WWC2: variants seen among roughly 807,000 people sequenced by gnomAD.
WWC2 encodes the protein protein WWC2.
Under a neutral mutation model 138.5 loss-of-function variants are expected in WWC2, and 101 were observed. The ratio of observed to expected loss-of-function variants is 0.73; its 90% CI spans 0.62 to 0.86. The LOEUF is 0.86. WWC2 is among the 40% of genes least tolerant of loss of function. The probability of loss-of-function intolerance (pLI) is 0.00; values close to 1 mark genes in which losing one functional copy is unlikely to be tolerated. For missense variants in WWC2, 1,420 were observed against 1,419.4 expected (o/e 1.00, Z -0.01); for synonymous variants, 558 against 538.4 (o/e 1.04, Z -0.50).
intron 1 of WWC2, among the ~76,000 whole-genome samples, chr4:183,105,295 G>C (rs1175177192): frequency 2.6e-5 from 4 of 152,222 alleles, no homozygotes; most frequent in Non-Finnish European, 5.9e-5. Context: ...AATTTAACCA[G>C]AGGAAGCCCA....
intron 1 of WWC2, among the ~76,000 whole-genome samples, chr4:183,105,064 G>A (rs1743308035): frequency 1.3e-5 from 2 of 152,054 alleles, no homozygotes; most frequent in Admixed American, 6.6e-5. Context: ...ACGCCACCCT[G>A]TACCCGGCTA....
intron 16 of WWC2, among the ~76,000 whole-genome samples, chr4:183,279,615 T>C (rs1410500167): frequency 6.6e-6 from 1 of 152,100 alleles, no homozygotes; most frequent in Admixed American, 6.5e-5. Flanking sequence ...CTGGACTCTT[T>C]TTGGTTGGTA....
At chr4:183,102,167 A>T (rs1212280141) in intron 1 of WWC2, among the ~76,000 whole-genome samples, 1 of 152,082 alleles carries the variant, frequency 6.6e-6, no homozygotes, top group Admixed American at 6.6e-5. Flanking sequence ...ACTTTTATTG[A>T]CTAAGTTTAC....
chr4:183,138,778 A>G (rs920024543), intron 1 of WWC2, among the ~76,000 whole-genome samples: 7 of 151,988 alleles, frequency 4.6e-5, no homozygotes, highest in African/African-American at 7.2e-5. Context: ...GACAAAGGCA[A>G]GTTTTTTGTT....
At chr4:183,201,198 T>G (rs1378936082) in intron 2 of WWC2, among the ~76,000 whole-genome samples, 1 of 152,208 alleles carries the variant, frequency 6.6e-6, no homozygotes, top group Non-Finnish European at 1.5e-5. Context: ...GGTGGTGATG[T>G]CCTTGAAGAT....
rs975477749 is a variant in WWC2 at position 183,256,895 on chromosome 4, C to G, written c.1197-2744C>G. ...AGTGTGATCCTACAGCCCCCCCCCC[C>G]CCCCCCCCGGCTCTGTTCCTGCCCC... On this transcript the variant is annotated intron_variant, in intron 9 of 22. Coordinates refer to ENST00000403733, the MANE Select transcript of WWC2 (RefSeq NM_024949.6). Among the ~76,000 whole-genome samples, 12 of 105,036 alleles carry G rather than the reference C, an allele frequency of 1.1e-4. 2 individuals are homozygous for G. The highest frequency in any genetic ancestry group is 3.7e-4 in the African/African-American group (9 of 24,022). The allele number at this position is 105,036 out of a possible 152,430, so 68.9% of individuals were successfully genotyped here. A position where few individuals can be genotyped will look rare whatever the true frequency, so the allele number is the denominator to read the frequency against.
intron 1 of WWC2, among the ~76,000 whole-genome samples, chr4:183,139,017 G>C (rs1009904021): frequency 2.6e-5 from 4 of 152,182 alleles, no homozygotes; most frequent in Non-Finnish European, 5.9e-5. Flanking sequence ...GAAGATGTGG[G>C]AATTGGAAGA....
Position 183,112,275 on chromosome 4 carries a change from G to A in WWC2, c.131+12653G>A, listed in dbSNP as rs556850087. On this transcript the variant is annotated intron_variant, in intron 1 of 22. Transcript: ENST00000403733. ...TGAGAGATTTCCTAGTGTCTCATGTGTAAGGAGCTTGTGTGTGTCTGCATC... is the reference window on the plus strand; with the variant it reads ...TGAGAGATTTCCTAGTGTCTCATGTATAAGGAGCTTGTGTGTGTCTGCATC... Among the ~76,000 whole-genome samples the A allele has an allele frequency of 3.3e-5, 5 of 152,332 alleles. No individual in the cohort carries two copies. The South Asian group carries it at 6.2e-4, about 19-fold the overall frequency.
chr4:183,276,300 A>G lies in WWC2; in HGVS notation c.2563-4476A>G, dbSNP rs371812094. Among the ~76,000 whole-genome samples, 686 of 151,998 alleles carry G rather than the reference A, an allele frequency of 4.5e-3. 4 individuals are homozygous for G. Among genetic ancestry groups the G allele is most frequent in the African/African-American group, 0.016 (657 of 41,504 alleles). On this transcript the variant is annotated intron_variant, in intron 16 of 22. Transcript: ENST00000403733. ...CTTCATCTTTTAATTGAAATATTTA[A>G]CTCATTTACTTTTAATGCTATTATT...
chr4:183,178,781 G>T (rs906530822), intron 1 of WWC2, among the ~76,000 whole-genome samples: 7 of 152,150 alleles, frequency 4.6e-5, no homozygotes, highest in African/African-American at 1.4e-4. Context: ...AGGCTTCAGG[G>T]CGCATAATCG....
chr4:183,204,893 C>CA (rs1330750091), intron 2 of WWC2, among the ~76,000 whole-genome samples: 2 of 152,180 alleles, frequency 1.3e-5, no homozygotes, highest in African/African-American at 4.8e-5. Flanking sequence ...GGCATCTTTT[C>CA]ACTCAACATG....
intron 22 of WWC2, among the ~76,000 whole-genome samples, chr4:183,314,222 C>G (rs1293604368): frequency 2.0e-5 from 3 of 152,182 alleles, no homozygotes; most frequent in African/African-American, 7.2e-5. Flanking sequence ...TTGTGACTTT[C>G]AGGGACTACC....
rs1737455606 is a variant in WWC2 at position 183,265,067 on chromosome 4, G to A, written c.1999G>A (p.Val667Met). The A allele has an allele frequency of 2.5e-6, 4 of 1,613,238 alleles. No homozygotes were observed. The highest frequency in any genetic ancestry group is 3.4e-6 in the Non-Finnish European group (4 of 1,179,456). Residue 667 changes from valine to methionine, a missense_variant, in exon 12 of 23, where the codon GTG becomes ATG. Physicochemically the swap from Val to Met is conservative, Grantham distance 21. Transcript: ENST00000403733. ...GTCGGCTGCTGTGTCTGATGAGTCTGTGGCTGGAGACAGTGGGGTCTATGA... is the reference window on the plus strand; with the variant it reads ...GTCGGCTGCTGTGTCTGATGAGTCTATGGCTGGAGACAGTGGGGTCTATGA... ...CVSAAVSDESVAGDSGVYEAF... is the reference protein window; with the variant it reads ...CVSAAVSDESMAGDSGVYEAF...
chr4:183,237,281 T>TA (rs1198501658), intron 4 of WWC2, among the ~76,000 whole-genome samples: 1 of 151,820 alleles, frequency 6.6e-6, no homozygotes, highest in Non-Finnish European at 1.5e-5. Context: ...ATTTGAGTGC[T>TA]ATCAATTTTA....
At chr4:183,182,692 A>G (rs1427267751) in intron 1 of WWC2, among the ~76,000 whole-genome samples, 1 of 152,204 alleles carries the variant, frequency 6.6e-6, no homozygotes, top group Non-Finnish European at 1.5e-5. Context: ...TAAGATATTC[A>G]TTATGATACA....
chr4:183,214,663 A>T (rs1735702193), intron 4 of WWC2, among the ~76,000 whole-genome samples: 1 of 151,986 alleles, frequency 6.6e-6, no homozygotes, highest in Non-Finnish European at 1.5e-5. Flanking sequence ...GTGGTGGCAC[A>T]TGCCCGTAAT....
At chr4:183,297,544 G>A (rs1238008831) in intron 21 of WWC2, among the ~76,000 whole-genome samples, 2 of 151,866 alleles carry the variant, frequency 1.3e-5, no homozygotes, top group East Asian at 3.9e-4. Flanking sequence ...CAAGTAGCTG[G>A]GACTACAGGC....
chr4:183,264,543 G>T (rs1363411444), intron 11 of WWC2, among the ~76,000 whole-genome samples: 2 of 152,182 alleles, frequency 1.3e-5, no homozygotes, highest in Non-Finnish European at 2.9e-5. Flanking sequence ...TATGGCATGT[G>T]GAGAGAAGGG....
intron 1 of WWC2, among the ~76,000 whole-genome samples, chr4:183,165,114 A>G (rs1166310781): frequency 6.6e-6 from 1 of 152,102 alleles, no homozygotes; most frequent in East Asian, 1.9e-4. Flanking sequence ...TTACTGGGTA[A>G]ATGCCCATGG....
Sources: allele counts gnomAD v4.1 joint callset (sites outside exome capture counted in the v4.1 genomes callset), GRCh38; gene constraint gnomAD v4.1.1; transcripts MANE v1.5; gene names NCBI Gene and HGNC (gene_info 2026-07-23, HGNC 2026-07-21).